CLN6: variants seen among roughly 807,000 people sequenced by gnomAD.
The protein encoded by CLN6 is ceroid-lipofuscinosis neuronal protein 6.
Under a neutral mutation model 33.3 loss-of-function variants are expected in CLN6, and 22 were observed. That is an observed-to-expected ratio of 0.66 (90% CI 0.47 to 0.94). The LOEUF (loss-of-function observed/expected upper bound fraction) is 0.94. CLN6 is among the 40% of genes least tolerant of loss of function. The pLI, the probability that CLN6 is intolerant of heterozygous loss-of-function variation, is 0.00. For missense variants in CLN6, 387 were observed against 417.1 expected (o/e 0.93, Z 0.63); for synonymous variants, 201 against 174.6 (o/e 1.15, Z -1.19).
At chr15:68,222,369 C>A (rs112940674) in intron 1 of CLN6, among the ~76,000 whole-genome samples, 1 of 138,938 alleles carries the variant, frequency 7.2e-6, no homozygotes, top group Non-Finnish European at 1.6e-5. Flanking sequence ...TCTGCCCGGC[C>A]GCCCCGTCTG....
In CLN6 at chr15:68,211,401, AC is replaced by A; in HGVS notation, c.487-84del. The A allele has an allele frequency of 6.4e-7, 1 of 1,553,744 alleles. No individual in the cohort carries two copies. The highest frequency in any genetic ancestry group is 8.9e-7 in the Non-Finnish European group (1 of 1,126,474). On this transcript the variant is annotated intron_variant, in intron 4 of 6. Coordinates refer to ENST00000249806, the MANE Select transcript of CLN6 (RefSeq NM_017882.3). The surrounding 1 kb of genome is among the most constrained non-coding windows in gnomAD (Gnocchi z 5.9). Reference sequence around the variant, plus strand: ...GCTGGGGCCCCAAGCATCCCCTCTGACCACCCTTCTCCCAGTCCCAGGCCTC... The same window carrying A: ...GCTGGGGCCCCAAGCATCCCCTCTGACACCCTTCTCCCAGTCCCAGGCCTC...
At chr15:68,250,402 C>T (rs1159362064) in intron 1 of CLN6, among the ~76,000 whole-genome samples, 1 of 151,654 alleles carries the variant, frequency 6.6e-6, no homozygotes, top group African/African-American at 2.4e-5. Context: ...GCAGGCGGAT[C>T]AAGAGGTCAA....
At chr15:68,244,246 C>T (rs376679114) in intron 1 of CLN6, among the ~76,000 whole-genome samples, 9 of 151,786 alleles carry the variant, frequency 5.9e-5, no homozygotes, top group African/African-American at 2.2e-4. Flanking sequence ...GTAAGACTAC[C>T]CTAAGGCATA....
chr15:68,214,380 G>T lies in CLN6; in HGVS notation c.207C>A (p.Phe69Leu), dbSNP rs2093214789. The T allele has an allele frequency of 1.2e-6, 2 of 1,613,354 alleles. No individual in the cohort carries two copies. The highest frequency in any genetic ancestry group is 1.3e-5 in the African/African-American group (1 of 75,046). Residue 69 changes from phenylalanine (F) to leucine (L), a missense_variant, in exon 3 of 7, where the codon TTC becomes TTA. Phe to Leu is a conservative substitution (Grantham distance 22, BLOSUM62 0). Transcript: ENST00000249806. ...TGTTGAGTGGAAACCACTCGAGAGG[G>T]AATACCAGCTGCGGAGCAAATGGAA... Reference protein sequence around the residue: ...DFGRPIAMLVFPLEWFPLNKP... With the variant: ...DFGRPIAMLVLPLEWFPLNKP...
rs540051056 is a variant in CLN6, at chr15:68,236,878, C to A, written c.180-18228G>T. ...TGACATTAAAACTGAATGGAGGCGG[C>A]CGGGCGCGGTGGCTCACGCCTGTAA... On this transcript the variant is annotated intron_variant, in intron 1 of 6. Transcript: ENST00000538696. The surrounding 1 kb of genome is among the most constrained non-coding windows in gnomAD (Gnocchi z 4.5). Among the ~76,000 whole-genome samples, 22 of 151,964 alleles carry A rather than the reference C, an allele frequency of 1.4e-4. No individual in the cohort carries two copies. The East Asian group carries it at 3.5e-3, about 24-fold the overall frequency.
chr15:68,240,920 G>C (rs1384610848), intron 1 of CLN6, among the ~76,000 whole-genome samples: 2 of 150,596 alleles, frequency 1.3e-5, no homozygotes, highest in East Asian at 3.9e-4. Context: ...GGAGGTGGAG[G>C]TTGCAGTGAG....
rs546300036 is a variant in CLN6 at position 68,227,660 on chromosome 15, C to T, written c.83+1842G>A. 6.6e-6 allele frequency among the ~76,000 whole-genome samples: 1 copy of T among 152,286 alleles called. No homozygotes were observed. Among genetic ancestry groups the T allele is most frequent in the East Asian group, 1.9e-4 (1 of 5,188 alleles). Reference sequence around the variant, plus strand: ...GACTCCTTAGCAGCCAAAGTGGAGTCGTAAGAGCAGAGCCCGTAAGTCAGA... The same window carrying T: ...GACTCCTTAGCAGCCAAAGTGGAGTTGTAAGAGCAGAGCCCGTAAGTCAGA... On this transcript the variant is annotated intron_variant, in intron 1 of 6. Coordinates refer to ENST00000249806, the MANE Select transcript of CLN6 (RefSeq NM_017882.3). The surrounding 1 kb of genome is among the most constrained non-coding windows in gnomAD (Gnocchi z 4.1).
rs201554701 is a variant in CLN6, at chr15:68,218,668, G to A, written c.84-18C>T. The A allele has an allele frequency of 1.3e-4, 206 of 1,591,120 alleles. No homozygotes were observed. The highest frequency in any genetic ancestry group is 2.0e-4 in the East Asian group (9 of 44,714). On this transcript the variant is annotated intron_variant, in intron 1 of 6. Transcript: ENST00000249806. ...AGCCATGCCTGGGAAGGAACCAGAC[G>A]AGAGAAGTCAGCTCTTCTCTCCTCC... is the stretch of plus-strand genomic sequence containing the variant.
rs1424154540 is a variant in CLN6, at chr15:68,209,330, G to C, written c.665+307C>G. Among the ~76,000 whole-genome samples the C allele has an allele frequency of 6.6e-6, 1 of 152,184 alleles. No individual in the cohort carries two copies. Among genetic ancestry groups the C allele is most frequent in the African/African-American group, 2.4e-5 (1 of 41,436 alleles). ...CTTGGTGTCGGAGGTGGATTGTACC[G>C]GCCCCAGGGCAACACTGGGGTTCTT... On this transcript the variant is annotated intron_variant, in intron 6 of 6. Transcript: ENST00000249806. This position sits in a 1 kb window ranked among gnomAD's most constrained non-coding sequence, Gnocchi z 4.9.
Position 68,229,608 on chromosome 15 carries a change from C to G in CLN6, c.-24G>C. 6.9e-7 allele frequency: 1 copy of G among 1,448,432 alleles called. No homozygotes were observed. The highest frequency in any genetic ancestry group is 9.1e-7 in the Non-Finnish European group (1 of 1,102,498). 89.7% of individuals were successfully genotyped at this position (1,448,432 alleles called of 1,614,324 possible). On this transcript the variant is annotated 5_prime_UTR_variant, in exon 1 of 7. Coordinates refer to ENST00000249806, the MANE Select transcript of CLN6 (RefSeq NM_017882.3). The stretch of plus-strand genomic sequence containing the variant: ...ATGGCTGCCCCGCAGGCCCCTCGGC[C>G]CTGCCTTTCCGAGGAAGAGACCGGT...
Position 68,246,884 on chromosome 15 carries a change from G to A in CLN6, c.179+9806C>T, listed in dbSNP as rs1044083917. Reference sequence around the variant, plus strand: ...ATAAAATTAAAAATGGGCTGGGCACGGTGGCTCATGACTGTAATCCTAGCA... The same window carrying A: ...ATAAAATTAAAAATGGGCTGGGCACAGTGGCTCATGACTGTAATCCTAGCA... On this transcript the variant is annotated intron_variant, in intron 1 of 6. Coordinates refer to the CLN6 transcript ENST00000538696. This position sits in a 1 kb window ranked among gnomAD's most constrained non-coding sequence, Gnocchi z 4.5. 5.9e-5 allele frequency among the ~76,000 whole-genome samples: 9 copies of A among 152,066 alleles called. No individual in the cohort carries two copies. The highest frequency in any genetic ancestry group is 8.8e-5 in the Non-Finnish European group (6 of 68,030).
At chr15:68,218,494 C>T in intron 2 of CLN6, 42 bp downstream of exon 2, 2 of 1,393,114 alleles carry the variant, frequency 1.4e-6, no homozygotes. Context: ...CACTAAGTGT[C>T]CTCAGTGCTG....
intron 1 of CLN6, among the ~76,000 whole-genome samples, chr15:68,223,361 T>G (rs1304765033): frequency 6.6e-6 from 1 of 152,134 alleles, no homozygotes; most frequent in Non-Finnish European, 1.5e-5. Flanking sequence ...ACTGGACAGA[T>G]AGCCAGTAAC....
intron 1 of CLN6, among the ~76,000 whole-genome samples, chr15:68,253,579 T>C (rs1368512550): frequency 6.6e-6 from 1 of 152,244 alleles, no homozygotes; most frequent in Non-Finnish European, 1.5e-5. Flanking sequence ...TAATGTCTGA[T>C]GACACTATTG....
chr15:68,238,384 A>G (rs767953904), intron 1 of CLN6, among the ~76,000 whole-genome samples: 1 of 152,034 alleles, frequency 6.6e-6, no homozygotes, highest in African/African-American at 2.4e-5. Context: ...AGCTGGCGAC[A>G]GAGTGAGACT....
rs1306162815 is a variant in CLN6 at position 68,211,095 on chromosome 15, C to T, written c.542+168G>A. The stretch of plus-strand genomic sequence containing the variant: ...AGCAGCTGGGTCTCCCGGGCAACCT[C>T]GGGGACAACTTCACTGGAGGTTGAG... On this transcript the variant is annotated intron_variant, in intron 5 of 6. Transcript: ENST00000249806. This position sits in a 1 kb window ranked among gnomAD's most constrained non-coding sequence, Gnocchi z 5.9. 2.6e-5 allele frequency among the ~76,000 whole-genome samples: 4 copies of T among 152,124 alleles called. No individual in the cohort carries two copies. Among genetic ancestry groups the T allele is most frequent in the East Asian group, 3.9e-4 (2 of 5,172 alleles).
upstream of CLN6, among the ~76,000 whole-genome samples, chr15:68,234,445 T>C (rs12904794): frequency 0.55 from 83,481 of 152,082 alleles, 23,498 homozygotes; most frequent in African/African-American, 0.61. This position sits in a 1 kb window ranked among gnomAD's most constrained non-coding sequence, Gnocchi z 4.1. Context: ...GAGAAGTGTA[T>C]AGTTCACGGC....
At position 68,246,786 on chromosome 15, in the gene CLN6, G is replaced by T. The variant is rs1282441570; in HGVS notation, c.179+9904C>A. Among the ~76,000 whole-genome samples the T allele has an allele frequency of 6.6e-6, 1 of 152,068 alleles. No homozygotes were observed. The highest frequency in any genetic ancestry group is 2.4e-5 in the African/African-American group (1 of 41,374). On this transcript the variant is annotated intron_variant, in intron 1 of 6. Transcript: ENST00000538696. This position sits in a 1 kb window ranked among gnomAD's most constrained non-coding sequence, Gnocchi z 4.5. The stretch of plus-strand genomic sequence containing the variant: ...GAGAAAATCAATGAAATGAAAATTG[G>T]TTTTTTGAAAAGATAAACAAAATTA...
chr15:68,225,196 A>G (rs1287681484), intron 1 of CLN6, among the ~76,000 whole-genome samples: 1 of 152,232 alleles, frequency 6.6e-6, no homozygotes, highest in Non-Finnish European at 1.5e-5. Flanking sequence ...AAGAAAGGCA[A>G]CTAGAAACTC....
Sources: gnomAD v4.1 joint callset for allele counts (sites outside exome capture counted in the v4.1 genomes callset) on GRCh38, gnomAD v4.1.1 for gene constraint, Gnocchi (gnomAD v3.1) non-coding constraint, MANE v1.5 for transcripts, NCBI Gene and HGNC (gene_info 2026-07-23, HGNC 2026-07-21) for gene names.